The following CNRIP1 variants were observed in gnomAD, a reference collection of about 807,000 sequenced individuals.
The protein encoded by CNRIP1 is cannabinoid receptor interacting protein 1.
Under a neutral mutation model 15.2 loss-of-function variants are expected in CNRIP1, and 10 were observed. The ratio of observed to expected loss-of-function variants is 0.66; its 90% CI spans 0.41 to 1.12. The LOEUF (loss-of-function observed/expected upper bound fraction) is 1.12. Among genes scored for constraint, CNRIP1 ranks in the 50% most tolerant of loss-of-function variants. The probability of loss-of-function intolerance (pLI) is 0.00; values close to 1 mark genes in which losing one functional copy is unlikely to be tolerated. For synonymous variants in CNRIP1, 91 were observed against 83.2 expected, an observed-to-expected ratio of 1.09 and a Z score of -0.51; for missense variants, 211 against 214.7, an observed-to-expected ratio of 0.98 and a Z score of 0.11.
chr2:68,311,122 T>C (rs1017180642), intron 2 of CNRIP1, among the ~76,000 whole-genome samples: 10 of 152,174 alleles, frequency 6.6e-5, no homozygotes, highest in African/African-American at 2.4e-4. Context: ...TAAAAAAGTA[T>C]TTAACAAAAC....
chr2:68,303,090 A>C (rs181960428), intron 2 of CNRIP1, among the ~76,000 whole-genome samples: 295 of 143,102 alleles, frequency 2.1e-3, no homozygotes, highest in Non-Finnish European at 3.1e-3. Context: ...TTCGTGATCC[A>C]CCCGCCTTGG....
rs7586446 is a variant in CNRIP1 at position 68,312,200 on chromosome 2, C to T, written c.330+4957G>A. Among the ~76,000 whole-genome samples the T allele has an allele frequency of 9.0e-3, 1,369 of 152,122 alleles. 28 individuals carry two copies. Among genetic ancestry groups the T allele is most frequent in the African/African-American group, 0.031 (1,270 of 41,514 alleles). On this transcript the variant is annotated intron_variant, in intron 2 of 2. Transcript: ENST00000263655. ...GCAAACCATAGACAAATATCCCCCC[C>T]GGAACATAGATGTCAAAAATCCTTA...
chr2:68,305,613 G>C (rs574635011), intron 2 of CNRIP1, among the ~76,000 whole-genome samples: 1 of 150,914 alleles, frequency 6.6e-6, no homozygotes, highest in African/African-American at 2.4e-5. Context: ...GGCTAACACG[G>C]TGAAACCCCG....
chr2:68,293,189 A>C lies in CNRIP1; in HGVS notation c.*673T>G, dbSNP rs1213525536. 10 of 985,394 alleles carry C rather than the reference A, an allele frequency of 1.0e-5. No homozygotes were observed. Among genetic ancestry groups the C allele is most frequent in the Non-Finnish European group, 1.2e-5 (10 of 829,972 alleles). The allele number at this position is 985,394 out of a possible 1,614,324, so 61.0% of individuals were successfully genotyped here. On this transcript the variant is annotated 3_prime_UTR_variant, in exon 3 of 3. Transcript: ENST00000263655. ...GTCACTTTAACAATGGTCCACAGCA[A>C]TGCTTTTCCCCCATTTCTACTAGGC... is the stretch of plus-strand genomic sequence containing the variant.
downstream of CNRIP1, among the ~76,000 whole-genome samples, chr2:68,291,482 G>A (rs17035196): frequency 0.57 from 86,462 of 151,874 alleles, 24,945 homozygotes; most frequent in South Asian, 0.68. Flanking sequence ...CTTCTGGCTC[G>A]TTTGTGGGAC....
chr2:68,305,274 A>ATGTGAGTGTGTG (rs1671786348), intron 2 of CNRIP1, among the ~76,000 whole-genome samples: 1 of 120,654 alleles, frequency 8.3e-6, no homozygotes, highest in African/African-American at 3.3e-5. Context: ...ATATATATAT[A>ATGTGAGTGTGTG]TGTGTGTGTG....
rs1225964288 is a variant in CNRIP1, at chr2:68,305,272, A to ATG, written c.331-11247_331-11246insCA. 3.0e-3 allele frequency among the ~76,000 whole-genome samples: 210 copies of ATG among 69,012 alleles called. 2 individuals carry two copies. Among genetic ancestry groups the ATG allele is most frequent in the African/African-American group, 7.5e-3 (168 of 22,322 alleles). The allele number at this position is 69,012 out of a possible 152,430, so 45.3% of individuals were successfully genotyped here. Reference sequence around the variant, plus strand: ...AAAAAAAAAAAAAATATATATATATATATGTGTGTGTGTGTGTGTGTGTGT... The same window carrying ATG: ...AAAAAAAAAAAAAATATATATATATATGTATGTGTGTGTGTGTGTGTGTGTGT... On this transcript the variant is annotated intron_variant, in intron 2 of 2. Transcript: ENST00000263655.
chr2:68,296,095 A>G (rs1671346480), intron 2 of CNRIP1, among the ~76,000 whole-genome samples: 1 of 152,248 alleles, frequency 6.6e-6, no homozygotes, highest in South Asian at 2.1e-4. Flanking sequence ...AGTAGTAAAC[A>G]ATGCAACACT....
downstream of CNRIP1, among the ~76,000 whole-genome samples, chr2:68,290,281 G>A (rs1426292580): frequency 2.0e-5 from 3 of 152,136 alleles, no homozygotes; most frequent in Non-Finnish European, 2.9e-5. Flanking sequence ...ACTCGCTTCA[G>A]CTTCCCAAAG....
intron 2 of CNRIP1, among the ~76,000 whole-genome samples, chr2:68,287,466 C>A (rs891867508): frequency 3.9e-5 from 6 of 152,246 alleles, no homozygotes; most frequent in African/African-American, 1.2e-4. Context: ...AGTCTTTCAA[C>A]TTTTCTATAC....
chr2:68,317,459 G>A, intron 1 of CNRIP1, 152 bp from the exon 2 acceptor site: 3 of 741,012 alleles, frequency 4.0e-6, no homozygotes, highest in Non-Finnish European at 6.5e-6. Flanking sequence ...AGGGGGCAGT[G>A]CTTCTCCTAT....
chr2:68,286,768 G>T (rs368152736), intron 2 of CNRIP1, among the ~76,000 whole-genome samples: 1 of 152,122 alleles, frequency 6.6e-6, no homozygotes, highest in Non-Finnish European at 1.5e-5. Flanking sequence ...GAGGGTAAGC[G>T]TGTTGAAGTC....
At position 68,318,156 on chromosome 2, in the gene CNRIP1, A is replaced by G. The variant is rs1573041886; in HGVS notation, c.180-849T>C. On this transcript the variant is annotated intron_variant, in intron 1 of 2. Transcript: ENST00000263655. ...TAAAGGGTGCATGGAGCTGTGGGGG[A>G]TGCTGACAAATAGATGAATCAGGAG... Among the ~76,000 whole-genome samples, 5 of 152,144 alleles carry G rather than the reference A, an allele frequency of 3.3e-5. 1 individual carries two copies. The highest frequency in any genetic ancestry group is 3.3e-4 in the Admixed American group (5 of 15,266).
downstream of CNRIP1, chr2:68,292,883 G>A (rs76173079): frequency 0.015 from 5,488 of 373,728 alleles, 62 homozygotes; most frequent in South Asian, 0.053. Flanking sequence ...TCATGAATAG[G>A]TGTGCTAATT....
At chr2:68,313,598 T>C (rs114918774) in intron 2 of CNRIP1, among the ~76,000 whole-genome samples, 1 of 152,288 alleles carries the variant, frequency 6.6e-6, no homozygotes, top group Non-Finnish European at 1.5e-5. Flanking sequence ...AATTCTTACA[T>C]AGTTAAAACT....
rs1671246765 is a variant in CNRIP1 at position 68,293,812 on chromosome 2, A to G, written c.*50T>C. On this transcript the variant is annotated 3_prime_UTR_variant, in exon 3 of 3. Coordinates refer to ENST00000263655, the MANE Select transcript of CNRIP1 (RefSeq NM_015463.3). ...GTTTAAGGCCTGCGCTGGTTTATCT[A>G]AAAGTAGATTTCTGAAAAGATTGTC... 7 of 1,595,776 alleles carry G rather than the reference A, an allele frequency of 4.4e-6. No homozygotes were observed. The highest frequency in any genetic ancestry group is 6.0e-6 in the Non-Finnish European group (7 of 1,167,442).
intron 2 of CNRIP1, among the ~76,000 whole-genome samples, chr2:68,305,244 CAAAAAAAAA>C (rs60243249): frequency 1.1e-3 from 97 of 91,624 alleles, no homozygotes; most frequent in African/African-American, 3.1e-3. Flanking sequence ...AACTCCGTCT[CAAAAAAAAA>C]AAAAAAATAT....
At chr2:68,288,221 G>A (rs1671080948), downstream of CNRIP1, among the ~76,000 whole-genome samples, 2 of 152,156 alleles carry the variant, frequency 1.3e-5, no homozygotes, top group South Asian at 4.1e-4. Flanking sequence ...AAGCTTTTCA[G>A]AAATAGGATA....
At chr2:68,298,398 G>T (rs1671468301) in intron 2 of CNRIP1, among the ~76,000 whole-genome samples, 1 of 151,990 alleles carries the variant, frequency 6.6e-6, no homozygotes, top group Non-Finnish European at 1.5e-5. Flanking sequence ...ATCATGCTAG[G>T]TAACAGAGAA....
Sources: gnomAD v4.1 joint callset for allele counts (sites outside exome capture counted in the v4.1 genomes callset) on GRCh38, gnomAD v4.1.1 for gene constraint, MANE v1.5 for transcripts, NCBI Gene and HGNC (gene_info 2026-07-23, HGNC 2026-07-21) for gene names.